PAFAH2: variants seen among roughly 807,000 people sequenced by gnomAD.
PAFAH2 encodes the protein platelet-activating factor acetylhydrolase 2, cytoplasmic.
A neutral mutation model predicts 49.0 loss-of-function variants in PAFAH2; 42 were observed. The observed-to-expected ratio is 0.86, with a 90% CI of 0.67 to 1.11. PAFAH2 has a LOEUF of 1.11. Ranked by LOEUF, PAFAH2 falls within the 50% of genes least tolerant of loss-of-function variation. PAFAH2 has a pLI of 0.00. For synonymous variants in PAFAH2, 184 were observed against 181.3 expected (o/e 1.01, Z -0.12); for missense variants, 503 against 501.8 (o/e 1.00, Z -0.02).
In PAFAH2 at chr1:25,982,450, G is replaced by A. The variant is rs143143905; in HGVS notation, c.580C>T (p.Arg194Trp). 6.2e-5 allele frequency: 100 copies of A among 1,613,920 alleles called. No homozygotes were observed. Among genetic ancestry groups the A allele is most frequent in the East Asian group, 6.0e-4 (27 of 44,882 alleles). Residue 194 changes from arginine to tryptophan, a missense_variant, in exon 7 of 11, where the codon CGG (arginine) becomes TGG (tryptophan). Coordinates refer to ENST00000374282, the MANE Select transcript of PAFAH2 (RefSeq NM_000437.4). ...ACCTCTTGCAGGATCTTCAACACCC[G>A]TAAACACTCGCTTACCCGCTGATGC... is the stretch of plus-strand genomic sequence containing the variant. The part of the protein sequence containing the change: ...QVHQRVSECL[R>W]VLKILQEVTA...
At chr1:25,966,408 G>T (rs1056287026) in intron 10 of PAFAH2, among the ~76,000 whole-genome samples, 2 of 152,114 alleles carry the variant, frequency 1.3e-5, no homozygotes, top group Non-Finnish European at 2.9e-5. Context: ...AAAATGTGGT[G>T]TACAGATATA....
At chr1:25,980,892 C>A (rs2049677584) in intron 7 of PAFAH2, among the ~76,000 whole-genome samples, 2 of 151,780 alleles carry the variant, frequency 1.3e-5, no homozygotes, top group Admixed American at 1.3e-4. Context: ...TGGCGCACAC[C>A]TGGAGTCCCA....
intron 10 of PAFAH2, 28 bp downstream of exon 10, chr1:25,972,530 G>GC (rs768256875): frequency 6.2e-7 from 1 of 1,604,042 alleles, no homozygotes. Context: ...CCCCACAGCT[G>GC]CCCCAAGAGC....
At position 25,978,300 on chromosome 1, in the gene PAFAH2, G is replaced by A. The variant is rs149646080; in HGVS notation, c.667-1527C>T. Among the ~76,000 whole-genome samples the A allele has an allele frequency of 1.6e-3, 237 of 152,112 alleles. 1 individual carries two copies. The highest frequency in any genetic ancestry group is 6.8e-3 in the Middle Eastern group (2 of 294). Reference sequence around the variant, plus strand: ...CCTGTCTTTTTCTATATAGTTGCCCGCCACCTACCTCCAAACAGGTAACAG... The same window carrying A: ...CCTGTCTTTTTCTATATAGTTGCCCACCACCTACCTCCAAACAGGTAACAG... On this transcript the variant is annotated intron_variant, in intron 7 of 10. Coordinates refer to ENST00000374282, the MANE Select transcript of PAFAH2 (RefSeq NM_000437.4).
chr1:25,994,923 T>C (rs1212196180), intron 1 of PAFAH2, among the ~76,000 whole-genome samples: 1 of 152,128 alleles, frequency 6.6e-6, no homozygotes, highest in African/African-American at 2.4e-5. Flanking sequence ...AACACGCAAA[T>C]GAATCTTTAT....
intron 7 of PAFAH2, among the ~76,000 whole-genome samples, chr1:25,981,615 C>T (rs141089692): frequency 3.9e-4 from 59 of 152,280 alleles, no homozygotes; most frequent in African/African-American, 1.4e-3. Flanking sequence ...GCAGGCCAAT[C>T]GGAATACCCT....
At chr1:25,982,031 A>G (rs1175960670) in intron 7 of PAFAH2, among the ~76,000 whole-genome samples, 1 of 152,016 alleles carries the variant, frequency 6.6e-6, no homozygotes, top group Non-Finnish European at 1.5e-5. Flanking sequence ...CAAAAAAAAA[A>G]AAAAGCAAAA....
chr1:25,994,707 G>C (rs1369912529), intron 1 of PAFAH2, among the ~76,000 whole-genome samples: 1 of 152,102 alleles, frequency 6.6e-6, no homozygotes, highest in African/African-American at 2.4e-5. Flanking sequence ...CAGGACAATA[G>C]TCCTTAAGCT....
chr1:25,963,156 C>T (rs2049365707), intron 10 of PAFAH2, among the ~76,000 whole-genome samples: 1 of 152,184 alleles, frequency 6.6e-6, no homozygotes, highest in Non-Finnish European at 1.5e-5. Context: ...AGGCAGGGAC[C>T]ACTCTCATGC....
At chr1:25,970,978 C>T (rs139567694) in intron 10 of PAFAH2, among the ~76,000 whole-genome samples, 10 of 152,232 alleles carry the variant, frequency 6.6e-5, no homozygotes, top group South Asian at 6.2e-4. Context: ...TGAACCGGGA[C>T]AGGTGGAGGT....
chr1:25,975,461 A>G (rs2049574782), intron 8 of PAFAH2, among the ~76,000 whole-genome samples: 1 of 152,088 alleles, frequency 6.6e-6, no homozygotes, highest in Admixed American at 6.6e-5. Flanking sequence ...ATGTACCTGT[A>G]GTCCCAGCTA....
At chr1:25,985,906 G>C (rs932716138) in intron 4 of PAFAH2, among the ~76,000 whole-genome samples, 2 of 152,230 alleles carry the variant, frequency 1.3e-5, no homozygotes, top group African/African-American at 2.4e-5. Flanking sequence ...GGCTGGCACA[G>C]AGCAGGTGCT....
rs772620572 is a variant in PAFAH2, at chr1:25,984,499, A to G, written c.371T>C (p.Leu124Pro). 4.3e-6 allele frequency: 7 copies of G among 1,613,976 alleles called. No homozygotes were observed. Among genetic ancestry groups the G allele is most frequent in the Non-Finnish European group, 5.9e-6 (7 of 1,179,942 alleles). The change falls in exon 5 of 11, where the codon CTG becomes CCG. Residue 124 changes from leucine (L) to proline (P), a missense_variant. By Grantham distance (98) the Leu-to-Pro change is moderately conservative. Transcript: ENST00000374282. The stretch of plus-strand genomic sequence containing the variant: ...AGCAACCACAAAGCCACGTGAGGCC[A>G]GCTCCATGCAGAAGGCTGAATACAA... ...RTLYSAFCMELASRGFVVAVP... is the reference protein window; with the variant it reads ...RTLYSAFCMEPASRGFVVAVP...
intron 2 of PAFAH2, among the ~76,000 whole-genome samples, chr1:25,990,248 A>C (rs2049852924): frequency 6.6e-6 from 1 of 152,110 alleles, no homozygotes; most frequent in Non-Finnish European, 1.5e-5. Flanking sequence ...CTATATATAC[A>C]TATATATAAG....
intron 1 of PAFAH2, among the ~76,000 whole-genome samples, chr1:25,993,619 A>T (rs764620100): frequency 6.6e-5 from 10 of 152,202 alleles, no homozygotes; most frequent in Non-Finnish European, 1.2e-4. Flanking sequence ...TAGCAAATTT[A>T]AAAACAAACC....
chr1:25,991,664 G>C (rs916821397), intron 1 of PAFAH2, among the ~76,000 whole-genome samples: 4 of 149,558 alleles, frequency 2.7e-5, no homozygotes, highest in Non-Finnish European at 5.9e-5. Flanking sequence ...AGGTCGAGGC[G>C]GGCAGATCAC....
At chr1:25,982,157 G>C (rs566089396) in intron 7 of PAFAH2, among the ~76,000 whole-genome samples, 1 of 152,294 alleles carries the variant, frequency 6.6e-6, no homozygotes, top group East Asian at 1.9e-4. Context: ...AGCCAGGAGA[G>C]GGGAGAGAAG....
chr1:25,975,864 A>T (rs2049580281), intron 8 of PAFAH2, among the ~76,000 whole-genome samples: 1 of 152,188 alleles, frequency 6.6e-6, no homozygotes, highest in Non-Finnish European at 1.5e-5. Flanking sequence ...AATCTTCAAC[A>T]GTTTCCCATC....
chr1:25,978,615 A>G (rs970979949), intron 7 of PAFAH2, among the ~76,000 whole-genome samples: 4 of 152,170 alleles, frequency 2.6e-5, no homozygotes, highest in African/African-American at 7.2e-5. Context: ...TGATATCTCT[A>G]CTTCCAGACC....
Sources: gnomAD v4.1 joint callset for allele counts (sites outside exome capture counted in the v4.1 genomes callset) on GRCh38, gnomAD v4.1.1 for gene constraint, MANE v1.5 for transcripts, NCBI Gene and HGNC (gene_info 2026-07-23, HGNC 2026-07-21) for gene names.